The following DNM3 variants were observed in gnomAD, a reference collection of about 807,000 sequenced individuals.
DNM3 encodes the protein dynamin 3.
A neutral mutation model predicts 101.6 loss-of-function variants in DNM3; 47 were observed. The observed-to-expected ratio is 0.46, with a 90% CI of 0.37 to 0.59. The LOEUF (loss-of-function observed/expected upper bound fraction) is 0.59, where lower values mean the gene tolerates loss of function less well. Ranked by LOEUF, DNM3 falls within the 20% of genes least tolerant of loss-of-function variation. The pLI, the probability that DNM3 is intolerant of heterozygous loss-of-function variation, is 0.00. For synonymous variants in DNM3, 385 were observed against 387.9 expected (o/e 0.99, Z 0.09); for missense variants, 849 against 1,085.7 (o/e 0.78, Z 3.06).
At chr1:172,167,437 G>T (rs141935102) in intron 14 of DNM3, among the ~76,000 whole-genome samples, 70 of 152,054 alleles carry the variant, frequency 4.6e-4, no homozygotes, top group African/African-American at 8.2e-4. Flanking sequence ...ATATACCCAG[G>T]AATGGGATGG....
chr1:172,156,753 A>G (rs1171041429), intron 14 of DNM3, among the ~76,000 whole-genome samples: 1 of 151,956 alleles, frequency 6.6e-6, no homozygotes, highest in Non-Finnish European at 1.5e-5. Context: ...TTATTTTTGC[A>G]GTAAGGATAG....
intron 2 of DNM3, among the ~76,000 whole-genome samples, chr1:171,923,669 A>G (rs2040348875): frequency 6.6e-6 from 1 of 152,098 alleles, no homozygotes; most frequent in African/African-American, 2.4e-5. Flanking sequence ...CATTTTTTAA[A>G]ATTACTAATT....
intron 2 of DNM3, among the ~76,000 whole-genome samples, chr1:171,933,664 G>A (rs1404138212): frequency 6.6e-6 from 1 of 152,118 alleles, no homozygotes; most frequent in African/African-American, 2.4e-5. Flanking sequence ...AGCTACTGTT[G>A]CTGCAACAGC....
chr1:172,183,025 T>TA (rs2059401443), intron 14 of DNM3, among the ~76,000 whole-genome samples: 1 of 152,072 alleles, frequency 6.6e-6, no homozygotes, highest in Non-Finnish European at 1.5e-5. Flanking sequence ...CAAGAACTGG[T>TA]AAAAAGGCAA....
chr1:172,324,446 T>G (rs1210995052), intron 17 of DNM3, among the ~76,000 whole-genome samples: 1 of 152,202 alleles, frequency 6.6e-6, no homozygotes, highest in Non-Finnish European at 1.5e-5. Context: ...AATGTGTCAC[T>G]TTATAAATTT....
At chr1:171,853,363 C>T (rs373858155) in intron 1 of DNM3, among the ~76,000 whole-genome samples, 29 of 152,122 alleles carry the variant, frequency 1.9e-4, no homozygotes, top group Middle Eastern at 3.4e-3. Context: ...CACAGGGTCT[C>T]CCTATGTTGT....
In DNM3 at chr1:172,409,859, C is replaced by T; in HGVS notation, c.*2018C>T. 1 of 985,672 alleles carries T rather than the reference C, an allele frequency of 1.0e-6. No homozygotes were observed. Among genetic ancestry groups the T allele is most frequent in the South Asian group, 4.7e-5 (1 of 21,278 alleles). 61.1% of individuals were successfully genotyped at this position (985,672 alleles called of 1,614,324 possible). A position where few individuals can be genotyped will look rare whatever the true frequency, so the allele number is the denominator to read the frequency against. On this transcript the variant is annotated 3_prime_UTR_variant, in exon 21 of 21. Transcript: ENST00000627582. ...TGTGGTTTTGTGTTTTGCTGTATTT[C>T]AAAATTTTCCTTCTGTTAAAGGAAA...
intron 14 of DNM3, among the ~76,000 whole-genome samples, chr1:172,234,213 G>A (rs1045910927): frequency 6.6e-6 from 1 of 152,128 alleles, no homozygotes; most frequent in Non-Finnish European, 1.5e-5. Context: ...TAAAATCAAT[G>A]TGCAAAAATC....
intron 15 of DNM3, chr1:172,289,481 T>G (rs1426316164): frequency 2.8e-6 from 2 of 726,690 alleles, no homozygotes; most frequent in African/African-American, 2.1e-5. Flanking sequence ...TGTTTTCTCA[T>G]CTTTTATATT....
intron 15 of DNM3, among the ~76,000 whole-genome samples, chr1:172,272,664 A>G (rs1248582545): frequency 1.3e-5 from 2 of 152,182 alleles, no homozygotes; most frequent in African/African-American, 2.4e-5. Flanking sequence ...GTCATTCTTT[A>G]GACTTGTCCA....
At chr1:172,289,863 T>C (rs1244123606) in intron 15 of DNM3, 4 of 978,584 alleles carry the variant, frequency 4.1e-6, no homozygotes, top group Non-Finnish European at 3.6e-6. Flanking sequence ...TATTTAACTT[T>C]TATCATAATT....
chr1:172,225,124 T>C lies in DNM3; in HGVS notation c.1660-28449T>C, dbSNP rs537207899. On this transcript the variant is annotated intron_variant, in intron 14 of 20. Transcript: ENST00000627582. ...TCTTTGGTGGCATGTCCCTCCTGTT[T>C]CTTCTTCCTCTTTTTTTTTTTTTTT... Among the ~76,000 whole-genome samples, 310 of 147,848 alleles carry C rather than the reference T, an allele frequency of 2.1e-3. 1 individual carries two copies. Among genetic ancestry groups the C allele is most frequent in the African/African-American group, 7.5e-3 (297 of 39,856 alleles).
intron 17 of DNM3, 42 bp from the exon 18 acceptor site, chr1:172,378,976 G>A (rs2068751957): frequency 6.3e-7 from 1 of 1,581,448 alleles, no homozygotes; most frequent in Non-Finnish European, 8.6e-7. Flanking sequence ...TTTCTTCTGA[G>A]TGAATATGAG....
chr1:172,001,363 C>G (rs928503609), intron 4 of DNM3, among the ~76,000 whole-genome samples: 4 of 151,978 alleles, frequency 2.6e-5, no homozygotes, highest in African/African-American at 9.7e-5. Flanking sequence ...CCTGGCTGAA[C>G]CGTTCACCCT....
chr1:172,046,592 A>C (rs967815181), intron 9 of DNM3, among the ~76,000 whole-genome samples: 8 of 151,830 alleles, frequency 5.3e-5, no homozygotes, highest in Admixed American at 1.3e-4. Context: ...AGAAAAAAAA[A>C]TTTAGACAAT....
intron 17 of DNM3, among the ~76,000 whole-genome samples, chr1:172,337,704 C>G (rs538880965): frequency 6.6e-6 from 1 of 152,188 alleles, no homozygotes; most frequent in South Asian, 2.1e-4. Flanking sequence ...TGAGTGTCCA[C>G]TAGCTCAAGT....
At chr1:171,981,855 C>A (rs1459536061) in intron 2 of DNM3, among the ~76,000 whole-genome samples, 1 of 152,134 alleles carries the variant, frequency 6.6e-6, no homozygotes, top group Non-Finnish European at 1.5e-5. Context: ...ACAGGTTATA[C>A]TGCGACAAAA....
At chr1:172,208,664 C>T (rs999812905) in intron 14 of DNM3, among the ~76,000 whole-genome samples, 5 of 152,042 alleles carry the variant, frequency 3.3e-5, no homozygotes, top group Non-Finnish European at 5.9e-5. Context: ...TATTTGCTTT[C>T]TAGAAAGCTC....
chr1:172,220,938 A>G (rs2060885394), intron 14 of DNM3, among the ~76,000 whole-genome samples: 1 of 152,140 alleles, frequency 6.6e-6, no homozygotes, highest in Non-Finnish European at 1.5e-5. Flanking sequence ...AAGAAGTTGA[A>G]ATATTCTTAT....
Sources: allele counts gnomAD v4.1 joint callset (sites outside exome capture counted in the v4.1 genomes callset), GRCh38; gene constraint gnomAD v4.1.1; transcripts MANE v1.5; gene names NCBI Gene and HGNC (gene_info 2026-07-23, HGNC 2026-07-21).